The following ANKS1A variants were observed in gnomAD, a reference collection of about 807,000 sequenced individuals.
ANKS1A encodes the protein ankyrin repeat and sterile alpha motif domain containing 1A.
ANKS1A carries 55 observed loss-of-function variants against 120.3 expected under a neutral mutation model. The observed-to-expected ratio is 0.46, with a 90% CI of 0.37 to 0.57. The LOEUF (loss-of-function observed/expected upper bound fraction) is 0.57. Ranked by LOEUF, ANKS1A falls within the 20% of genes least tolerant of loss-of-function variation. ANKS1A has a pLI of 0.00. For synonymous variants in ANKS1A, 590 were observed against 604.7 expected (o/e 0.98, Z 0.36); for missense variants, 1,123 against 1,480.3 (o/e 0.76, Z 3.96).
chr6:35,082,564 C>A lies in ANKS1A; in HGVS notation c.2710-127C>A. The A allele has an allele frequency of 8.0e-7, 1 of 1,248,226 alleles. No individual in the cohort carries two copies. Among genetic ancestry groups the A allele is most frequent in the Non-Finnish European group, 1.1e-6 (1 of 926,876 alleles). The allele number at this position is 1,248,226 out of a possible 1,614,324, so 77.3% of individuals were successfully genotyped here. On this transcript the variant is annotated intron_variant, in intron 17 of 23. Transcript: ENST00000360359. The surrounding 1 kb of genome is among the most constrained non-coding windows in gnomAD (Gnocchi z 4.1). ...GAATTGCTGGTCTGCCCCCTGCCAT[C>A]TCCACTCGACCCTTGAACTTGCTAA...
At chr6:34,943,997 G>T (rs1298697345) in intron 1 of ANKS1A, among the ~76,000 whole-genome samples, 1 of 152,212 alleles carries the variant, frequency 6.6e-6, no homozygotes, top group Non-Finnish European at 1.5e-5. Flanking sequence ...ATATAGGCTG[G>T]GCGTGGTGGC....
chr6:35,087,932 T>C (rs1163154102), intron 23 of ANKS1A, among the ~76,000 whole-genome samples: 1 of 152,020 alleles, frequency 6.6e-6, no homozygotes, highest in Non-Finnish European at 1.5e-5. Context: ...GGCTCTGGAG[T>C]CTAGCTCACT....
intron 13 of ANKS1A, among the ~76,000 whole-genome samples, chr6:35,076,679 A>C (rs2762337): frequency 0.41 from 61,763 of 151,944 alleles, 14,111 homozygotes; most frequent in Middle Eastern, 0.58. Flanking sequence ...CCCAGGCTAG[A>C]GTGCAGTGGC....
At chr6:34,985,706 T>G (rs1772159736) in intron 8 of ANKS1A, among the ~76,000 whole-genome samples, 1 of 152,238 alleles carries the variant, frequency 6.6e-6, no homozygotes, top group South Asian at 2.1e-4. Context: ...TACTATCCAC[T>G]TGCCCTGAAA....
At chr6:34,950,319 C>T (rs928178520) in intron 1 of ANKS1A, among the ~76,000 whole-genome samples, 1 of 150,644 alleles carries the variant, frequency 6.6e-6, no homozygotes, top group Non-Finnish European at 1.5e-5. Flanking sequence ...CTCCGTCTCC[C>T]TGGTTCAAGT....
At chr6:34,902,718 G>A (rs1480716790) in intron 1 of ANKS1A, among the ~76,000 whole-genome samples, 2 of 150,812 alleles carry the variant, frequency 1.3e-5, no homozygotes, top group Non-Finnish European at 2.9e-5. Flanking sequence ...CAGGAGAATC[G>A]CTTGAACCCG....
chr6:34,902,977 G>A (rs1032740366), intron 1 of ANKS1A, among the ~76,000 whole-genome samples: 2 of 152,140 alleles, frequency 1.3e-5, no homozygotes, highest in African/African-American at 2.4e-5. Flanking sequence ...GTACCCTAGC[G>A]TCTTCTCATT....
chr6:34,982,266 A>G lies in ANKS1A; in HGVS notation c.732+280A>G, dbSNP rs1343828164. Reference sequence around the variant, plus strand: ...CTCTCAAAACCAGAAAAGTTTCATTATCTTCCTATCCATGTGTTCCCACTG... The same window carrying G: ...CTCTCAAAACCAGAAAAGTTTCATTGTCTTCCTATCCATGTGTTCCCACTG... On this transcript the variant is annotated intron_variant, in intron 4 of 23. Coordinates refer to ENST00000360359, the MANE Select transcript of ANKS1A (RefSeq NM_015245.3). The surrounding 1 kb of genome is among the most constrained non-coding windows in gnomAD (Gnocchi z 4.9). Among the ~76,000 whole-genome samples, 2 of 152,216 alleles carry G rather than the reference A, an allele frequency of 1.3e-5. No homozygotes were observed. Among genetic ancestry groups the G allele is most frequent in the African/African-American group, 2.4e-5 (1 of 41,450 alleles).
chr6:35,018,144 GC>G, intron 11 of ANKS1A, 85 bp downstream of exon 11: 2 of 1,386,562 alleles, frequency 1.4e-6, no homozygotes, highest in African/African-American at 1.4e-5. Flanking sequence ...CAACTCTCAG[GC>G]CCAGGATCTG....
At chr6:35,049,501 T>C (rs562542879) in intron 11 of ANKS1A, among the ~76,000 whole-genome samples, 1 of 152,244 alleles carries the variant, frequency 6.6e-6, no homozygotes, top group East Asian at 1.9e-4. Flanking sequence ...TCTGGGCCAA[T>C]AAGGTCATCA....
Position 34,889,525 on chromosome 6 carries a change from G to GGGC in ANKS1A, c.136_138dup (p.Gly46dup), listed in dbSNP as rs71538280. On this transcript the variant is annotated inframe_insertion, in exon 1 of 24. Coordinates refer to ENST00000360359, the MANE Select transcript of ANKS1A (RefSeq NM_015245.3). This position sits in a 1 kb window ranked among gnomAD's most constrained non-coding sequence, Gnocchi z 5.5. Reference sequence around the variant, plus strand: ...GGGGCGGCGGCGGCGGTGGCTCTGGGGGCGGCGGCGGCGGCAGCGGCGGCG... The same window carrying GGGC: ...GGGGCGGCGGCGGCGGTGGCTCTGGGGGCGGCGGCGGCGGCGGCAGCGGCGGCG... 50 of 1,272,042 alleles carry GGGC rather than the reference G, an allele frequency of 3.9e-5. No homozygotes were observed. Among genetic ancestry groups the GGGC allele is most frequent in the African/African-American group, 1.1e-4 (7 of 64,104 alleles). 78.8% of individuals were successfully genotyped at this position (1,272,042 alleles called of 1,614,324 possible).
chr6:34,901,091 A>G (rs1001488609), intron 1 of ANKS1A, among the ~76,000 whole-genome samples: 14 of 152,198 alleles, frequency 9.2e-5, no homozygotes, highest in Admixed American at 7.9e-4. Context: ...GATAAAAATT[A>G]GTTTTGGACC....
chr6:35,051,635 C>T (rs1775971690), intron 11 of ANKS1A, among the ~76,000 whole-genome samples: 1 of 152,182 alleles, frequency 6.6e-6, no homozygotes. Flanking sequence ...CAGCGGGTGA[C>T]AAGGCAAATA....
chr6:35,011,916 A>G (rs1773776511), intron 10 of ANKS1A, among the ~76,000 whole-genome samples: 1 of 152,190 alleles, frequency 6.6e-6, no homozygotes, highest in African/African-American at 2.4e-5. Context: ...CTTGTGACAG[A>G]TCTTCAGGGT....
chr6:34,934,234 A>G (rs1581713141), intron 1 of ANKS1A, among the ~76,000 whole-genome samples: 2 of 151,720 alleles, frequency 1.3e-5, no homozygotes, highest in South Asian at 4.2e-4. Context: ...TGCAAGCTCC[A>G]CCTCCCGGGT....
At chr6:35,007,009 A>C (rs2127549368) in intron 10 of ANKS1A, among the ~76,000 whole-genome samples, 1 of 152,306 alleles carries the variant, frequency 6.6e-6, no homozygotes, top group Middle Eastern at 3.4e-3. Context: ...AAGACAAAAA[A>C]GAATATATAA....
chr6:35,064,351 G>T (rs1776658438), intron 13 of ANKS1A, among the ~76,000 whole-genome samples: 1 of 152,220 alleles, frequency 6.6e-6, no homozygotes, highest in Non-Finnish European at 1.5e-5. Flanking sequence ...GGCCAGGCCG[G>T]ATGGGAGGCC....
chr6:35,090,957 CAG>C lies in ANKS1A; in HGVS notation c.*2350_*2351del, dbSNP rs1173677687. ...GCGTCCCTCCTGGGCCCTCCAGCGT[CAG>C]ACACTAATGGGAGTTCCCGAGATGC... On this transcript the variant is annotated 3_prime_UTR_variant, in exon 24 of 24. Transcript: ENST00000360359. 1.3e-5 allele frequency: 13 copies of C among 985,814 alleles called. No individual in the cohort carries two copies. The highest frequency in any genetic ancestry group is 1.6e-5 in the Non-Finnish European group (13 of 829,980). The allele number at this position is 985,814 out of a possible 1,614,324, so 61.1% of individuals were successfully genotyped here.
At position 35,088,895 on chromosome 6, in the gene ANKS1A, AT is replaced by A. The variant is rs1018730396; in HGVS notation, c.*287del. On this transcript the variant is annotated 3_prime_UTR_variant, in exon 24 of 24. Transcript: ENST00000360359. ...ACACATTGTTTTTAACAGAAAAAAA[AT>A]CTTTTTATAAAATGAACTTTTAACA... 1.1e-5 allele frequency: 16 copies of A among 1,403,404 alleles called. 1 individual carries two copies. In the Admixed American group the frequency reaches 1.2e-4, roughly 10 times the overall value. The allele number at this position is 1,403,404 out of a possible 1,614,324, so 86.9% of individuals were successfully genotyped here.
Sources: gnomAD v4.1 joint callset for allele counts (sites outside exome capture counted in the v4.1 genomes callset) on GRCh38, gnomAD v4.1.1 for gene constraint, Gnocchi (gnomAD v3.1) non-coding constraint, MANE v1.5 for transcripts, NCBI Gene and HGNC (gene_info 2026-07-23, HGNC 2026-07-21) for gene names.